RB1: variants seen among roughly 807,000 people sequenced by gnomAD.
RB1 encodes the protein retinoblastoma-associated protein.
A neutral mutation model predicts 135.4 loss-of-function variants in RB1; 18 were observed. The observed-to-expected ratio is 0.13, with a 90% CI of 0.09 to 0.20. RB1 has a LOEUF of 0.20. Ranked by LOEUF, RB1 falls within the 10% of genes least tolerant of loss-of-function variation. RB1 has a pLI of 1.00. For missense variants in RB1, 868 were observed against 1,110.0 expected, an observed-to-expected ratio of 0.78 and a Z score of 3.10; for synonymous variants, 365 against 373.2, an observed-to-expected ratio of 0.98 and a Z score of 0.25.
Position 48,380,165 on chromosome 13 carries a change from C to A in RB1, c.1422C>A (p.Ser474Arg), listed in dbSNP as rs2138142720. The A allele has an allele frequency of 1.9e-6, 3 of 1,569,510 alleles. No homozygotes were observed. Among genetic ancestry groups the A allele is most frequent in the East Asian group, 2.3e-5 (1 of 43,684 alleles). Reference sequence around the variant, plus strand: ...TATAATCTTTTTTTTTTTCCTTTAGCAAACTTCTGAATGACAACATTTTTC... The same window carrying A: ...TATAATCTTTTTTTTTTTCCTTTAGAAAACTTCTGAATGACAACATTTTTC... Reference protein sequence around the residue: ...EEERLSIQNFSKLLNDNIFHM... With the variant: ...EEERLSIQNFRKLLNDNIFHM... The change falls in exon 16 of 27, where the codon AGC becomes AGA. Residue 474 changes from serine to arginine, a missense_variant and splice_region_variant. By Grantham distance (110) the Ser-to-Arg change is moderately radical (BLOSUM62 -1). This residue lies in a region of RB1 where 641 missense variants were observed against 791.3 expected (regional missense o/e 0.81). Transcript: ENST00000267163.
chr13:48,440,549 C>T (rs1340094436), intron 17 of RB1, among the ~76,000 whole-genome samples: 2 of 152,104 alleles, frequency 1.3e-5, no homozygotes, highest in African/African-American at 2.4e-5. Flanking sequence ...TAGTATTTGG[C>T]TTCATATATA....
chr13:48,479,969 C>T, intron 26 of RB1, 29 bp from the exon 27 acceptor site: 2 of 1,592,514 alleles, frequency 1.3e-6, no homozygotes, highest in East Asian at 2.3e-5. Context: ...ACCATCAATG[C>T]TGTTAACAGT....
chr13:48,396,554 A>G (rs1039440665), intron 17 of RB1, among the ~76,000 whole-genome samples: 6 of 152,184 alleles, frequency 3.9e-5, no homozygotes, highest in Non-Finnish European at 7.3e-5. Context: ...CTAGAAGAAA[A>G]CCTAGGCAAT....
chr13:48,364,775 A>C, intron 8 of RB1, 119 bp from the exon 9 acceptor site: 1 of 1,182,678 alleles, frequency 8.5e-7, no homozygotes, highest in South Asian at 1.8e-5. Flanking sequence ...AAAGTTATAC[A>C]CAGATTTTTT....
In RB1 at chr13:48,319,079, C is replaced by A; in HGVS notation, c.264+11673C>A. On this transcript the variant is annotated intron_variant, in intron 2 of 26. Transcript: ENST00000267163. The surrounding 1 kb of genome is among the most constrained non-coding windows in gnomAD (Gnocchi z 5.0). The stretch of plus-strand genomic sequence containing the variant: ...GGACGTGTCTGCCTGGCACGAGGAC[C>A]GTTCTACAAACTCGTTCCTGGAAGC... 1 of 614,860 alleles carries A rather than the reference C, an allele frequency of 1.6e-6. No homozygotes were observed. Among genetic ancestry groups the A allele is most frequent in the South Asian group, 1.5e-5 (1 of 66,328 alleles). 38.1% of individuals were successfully genotyped at this position (614,860 alleles called of 1,614,324 possible).
At chr13:48,347,522 A>C (rs954241850) in intron 4 of RB1, among the ~76,000 whole-genome samples, 12 of 152,180 alleles carry the variant, frequency 7.9e-5, no homozygotes, top group African/African-American at 2.9e-4. Flanking sequence ...TTTATTGACA[A>C]ATCATATGAG....
At chr13:48,405,189 C>T (rs1948728804) in intron 17 of RB1, among the ~76,000 whole-genome samples, 1 of 152,158 alleles carries the variant, frequency 6.6e-6, no homozygotes, top group Non-Finnish European at 1.5e-5. Context: ...GTTTGTTCCA[C>T]ATGAGAAATC....
At chr13:48,342,478 G>A in intron 2 of RB1, 121 bp from the exon 3 acceptor site, 1 of 674,338 alleles carries the variant, frequency 1.5e-6, no homozygotes, top group Non-Finnish European at 2.6e-6. Context: ...CAAATATACA[G>A]TATTACAAAC....
At chr13:48,413,044 A>G (rs1948844999) in intron 17 of RB1, 1 of 167,322 alleles carries the variant, frequency 6.0e-6, no homozygotes, top group Non-Finnish European at 1.5e-5. Context: ...TAAACTCCCA[A>G]GCTTGTTAGC....
intron 11 of RB1, among the ~76,000 whole-genome samples, chr13:48,372,558 G>A (rs1219918359): frequency 4.6e-5 from 7 of 151,966 alleles, no homozygotes; most frequent in Non-Finnish European, 1.0e-4. Flanking sequence ...GGCTGAGGCA[G>A]GAGAATCACT....
intron 9 of RB1, among the ~76,000 whole-genome samples, chr13:48,366,990 G>C (rs917539545): frequency 6.6e-6 from 1 of 151,770 alleles, no homozygotes; most frequent in Non-Finnish European, 1.5e-5. Flanking sequence ...ATGGTAGCAG[G>C]TACCTATAAT....
chr13:48,318,218 C>G (rs1039883057), intron 2 of RB1: 8 of 632,398 alleles, frequency 1.3e-5, no homozygotes, highest in Non-Finnish European at 2.2e-5. Flanking sequence ...CGCTGTCTCT[C>G]TTGGACTTGG....
At chr13:48,441,946 T>C (rs1289139401) in intron 17 of RB1, among the ~76,000 whole-genome samples, 1 of 152,196 alleles carries the variant, frequency 6.6e-6, no homozygotes, top group Non-Finnish European at 1.5e-5. Flanking sequence ...GCATTATTAA[T>C]AGATAATTTG....
At chr13:48,345,233 A>AT in intron 4 of RB1, 34 bp downstream of exon 4, 1 of 1,593,456 alleles carries the variant, frequency 6.3e-7, no homozygotes, top group East Asian at 2.2e-5. Flanking sequence ...TTACACTCTG[A>AT]TTTTTTATGT....
At chr13:48,316,094 T>G (rs973810977) in intron 2 of RB1, among the ~76,000 whole-genome samples, 2 of 152,170 alleles carry the variant, frequency 1.3e-5, no homozygotes, top group Non-Finnish European at 2.9e-5. Flanking sequence ...TGGACATGAA[T>G]CCACCCAGGC....
intron 11 of RB1, among the ~76,000 whole-genome samples, chr13:48,371,855 G>A (rs1406408484): frequency 6.6e-6 from 1 of 152,154 alleles, no homozygotes; most frequent in African/African-American, 2.4e-5. Flanking sequence ...TACAGCAGGA[G>A]GTGAGTGGTA....
intron 17 of RB1, among the ~76,000 whole-genome samples, chr13:48,389,130 G>A (rs184693665): frequency 1.3e-5 from 2 of 152,110 alleles, no homozygotes; most frequent in Admixed American, 1.3e-4. Context: ...CTGCACTCCA[G>A]CCTCAGTGAC....
chr13:48,327,997 G>T (rs776934746), intron 2 of RB1: 18 of 602,674 alleles, frequency 3.0e-5, no homozygotes, highest in Non-Finnish European at 4.8e-5. Flanking sequence ...TGGCTCCAAA[G>T]GTAGTCTTAT....
At chr13:48,338,044 G>C (rs570549012) in intron 2 of RB1, among the ~76,000 whole-genome samples, 2 of 152,338 alleles carry the variant, frequency 1.3e-5, no homozygotes, top group African/African-American at 4.8e-5. Flanking sequence ...TCTGCTGAGA[G>C]ATCCACTGTT....
Sources: gnomAD v4.1 joint callset for allele counts (sites outside exome capture counted in the v4.1 genomes callset) on GRCh38, gnomAD v4.1.1 for gene constraint, gnomAD v4.1.1 regional missense constraint, Gnocchi (gnomAD v3.1) non-coding constraint, MANE v1.5 for transcripts, NCBI Gene and HGNC (gene_info 2026-07-23, HGNC 2026-07-21) for gene names.